Variants in MSH3 observed in about 807,000 individuals in gnomAD.
MSH3 encodes the protein DNA mismatch repair protein Msh3.
Under a neutral mutation model 123.3 loss-of-function variants are expected in MSH3, and 106 were observed. That is an observed-to-expected ratio of 0.86 (90% CI 0.73 to 1.01). MSH3 has a LOEUF of 1.01. Among genes scored for constraint, MSH3 ranks in the 50% least tolerant of loss-of-function variants. The probability of loss-of-function intolerance (pLI) is 0.00; values close to 1 mark genes in which losing one functional copy is unlikely to be tolerated. For missense variants in MSH3, 1,459 were observed against 1,347.6 expected, an observed-to-expected ratio of 1.08 and a Z score of -1.29; for synonymous variants, 515 against 481.4, an observed-to-expected ratio of 1.07 and a Z score of -0.91.
intron 2 of MSH3, among the ~76,000 whole-genome samples, chr5:80,658,035 C>CTATTTTTTTTTT (rs1554066333): frequency 1.1e-5 from 1 of 87,206 alleles, no homozygotes; most frequent in East Asian, 5.1e-4. Flanking sequence ...GCTTTTTGCC[C>CTATTTTTTTTTT]TCTTTTTTTT....
chr5:80,691,331 T>G (rs908102185), intron 8 of MSH3, among the ~76,000 whole-genome samples: 71 of 151,818 alleles, frequency 4.7e-4, no homozygotes, highest in African/African-American at 1.7e-3. Context: ...TTTTAAAAGA[T>G]ACTATTTAAA....
chr5:80,823,621 A>AT (rs137874725), intron 20 of MSH3, among the ~76,000 whole-genome samples: 108,355 of 151,026 alleles, frequency 0.72, 38,845 homozygotes, highest in South Asian at 0.8. Flanking sequence ...TGCACATTAA[A>AT]TTTTTTTTTT....
At chr5:80,679,635 A>G (rs573172961) in intron 8 of MSH3, among the ~76,000 whole-genome samples, 2 of 152,334 alleles carry the variant, frequency 1.3e-5, no homozygotes, top group South Asian at 4.1e-4. Context: ...ACTGGATCTA[A>G]GATCAGACCA....
intron 12 of MSH3, among the ~76,000 whole-genome samples, chr5:80,753,966 G>A (rs1743880867): frequency 6.6e-6 from 1 of 152,134 alleles, no homozygotes; most frequent in South Asian, 2.1e-4. Flanking sequence ...CTTACTGCGG[G>A]GGCTAGCAAA....
At chr5:80,776,527 T>G (rs1173345862) in intron 16 of MSH3, among the ~76,000 whole-genome samples, 2 of 152,160 alleles carry the variant, frequency 1.3e-5, no homozygotes, top group Non-Finnish European at 2.9e-5. Context: ...CATCTTTTTT[T>G]TTGTAACCCA....
chr5:80,836,843 T>G (rs1265097338), intron 20 of MSH3, among the ~76,000 whole-genome samples: 1 of 152,160 alleles, frequency 6.6e-6, no homozygotes, highest in Non-Finnish European at 1.5e-5. Flanking sequence ...CCACAGTTGA[T>G]TGAATCTGCG....
intron 23 of MSH3, among the ~76,000 whole-genome samples, chr5:80,873,692 T>C (rs1746261470): frequency 6.6e-6 from 1 of 152,136 alleles, no homozygotes; most frequent in African/African-American, 2.4e-5. Context: ...TTAATGAAAA[T>C]AATAGTATTA....
chr5:80,723,431 A>G (rs1446417920), intron 8 of MSH3, among the ~76,000 whole-genome samples: 1 of 152,230 alleles, frequency 6.6e-6, no homozygotes, highest in Non-Finnish European at 1.5e-5. Flanking sequence ...TGCTTTGATC[A>G]TTAATTATAT....
At chr5:80,661,706 A>G (rs891767103) in intron 2 of MSH3, among the ~76,000 whole-genome samples, 3 of 151,808 alleles carry the variant, frequency 2.0e-5, no homozygotes, top group Non-Finnish European at 4.4e-5. Context: ...GATTTTTCCT[A>G]TTTTTTGCAT....
chr5:80,841,240 T>A (rs1745618256), intron 20 of MSH3, among the ~76,000 whole-genome samples: 1 of 152,152 alleles, frequency 6.6e-6, no homozygotes, highest in Non-Finnish European at 1.5e-5. Flanking sequence ...GAACTCATCC[T>A]TTTTTATGGC....
rs1561475370 is a variant in MSH3 at position 80,778,699 on chromosome 5, G to C, written c.2319-21G>C. 2.9e-6 allele frequency: 4 copies of C among 1,358,442 alleles called. No homozygotes were observed. In the South Asian group the frequency reaches 4.7e-5, roughly 16 times the overall value. 84.1% of individuals were successfully genotyped at this position (1,358,442 alleles called of 1,614,324 possible). A position where few individuals can be genotyped will look rare whatever the true frequency, so the allele number is the denominator to read the frequency against. ...TTTTACTAACCTTGATTTCCTATTT[G>C]TGTTCTTTCCCCTCTTCTAGCACAA... On this transcript the variant is annotated intron_variant, in intron 16 of 23. Transcript: ENST00000265081.
chr5:80,806,233 G>C (rs1454760823), intron 19 of MSH3, among the ~76,000 whole-genome samples: 2 of 152,124 alleles, frequency 1.3e-5, no homozygotes, highest in African/African-American at 4.8e-5. Context: ...CAAGTAGCTG[G>C]GATTACTGGC....
chr5:80,797,956 CT>C (rs553888116), intron 19 of MSH3, among the ~76,000 whole-genome samples: 19 of 148,028 alleles, frequency 1.3e-4, no homozygotes, highest in Middle Eastern at 3.4e-3. Context: ...CCAAATGACT[CT>C]TTTTTTTTTA....
rs549518669 is a variant in MSH3 at position 80,658,686 on chromosome 5, G to A, written c.358+2155G>A. On this transcript the variant is annotated intron_variant, in intron 2 of 23. Coordinates refer to ENST00000265081, the MANE Select transcript of MSH3 (RefSeq NM_002439.5). ...ATTGCTCATGTAGCCTCAAACTCCTGGGCTCAAGCCATCCTCCTGCCTTAG... is the reference window on the plus strand; with the variant it reads ...ATTGCTCATGTAGCCTCAAACTCCTAGGCTCAAGCCATCCTCCTGCCTTAG... Among the ~76,000 whole-genome samples, 12 of 152,208 alleles carry A rather than the reference G, an allele frequency of 7.9e-5. No individual in the cohort carries two copies. In the South Asian group the frequency reaches 2.5e-3, roughly 32 times the overall value.
chr5:80,769,742 A>G (rs1744185678), intron 15 of MSH3, among the ~76,000 whole-genome samples: 2 of 152,124 alleles, frequency 1.3e-5, no homozygotes, highest in South Asian at 2.1e-4. Context: ...GTTAACTTCT[A>G]TAGAATGAGC....
intron 17 of MSH3, among the ~76,000 whole-genome samples, chr5:80,786,681 T>C (rs2112019042): frequency 6.6e-6 from 1 of 152,342 alleles, no homozygotes; most frequent in South Asian, 2.1e-4. Context: ...CTTTTTGTAG[T>C]TTAATTATGT....
chr5:80,711,604 C>T (rs182972616), intron 8 of MSH3, among the ~76,000 whole-genome samples: 2 of 152,298 alleles, frequency 1.3e-5, no homozygotes, highest in East Asian at 3.9e-4. Flanking sequence ...ATTTCCTTCT[C>T]TGGACAGCAG....
intron 2 of MSH3, among the ~76,000 whole-genome samples, chr5:80,659,090 C>T (rs772479844): frequency 1.1e-4 from 16 of 151,996 alleles, no homozygotes; most frequent in South Asian, 2.1e-4. Context: ...AAAAATTAGC[C>T]GGATGTGGTG....
chr5:80,828,547 A>G (rs1362428773), intron 20 of MSH3, among the ~76,000 whole-genome samples: 2 of 152,198 alleles, frequency 1.3e-5, no homozygotes, highest in African/African-American at 2.4e-5. Flanking sequence ...TTATAGCCCC[A>G]AAGTCTAGAG....
Sources: allele counts gnomAD v4.1 joint callset (sites outside exome capture counted in the v4.1 genomes callset), GRCh38; gene constraint gnomAD v4.1.1; transcripts MANE v1.5; gene names NCBI Gene and HGNC (gene_info 2026-07-23, HGNC 2026-07-21).